The following PRKN variants were observed in gnomAD, a reference collection of about 807,000 sequenced individuals.
The protein encoded by PRKN is E3 ubiquitin-protein ligase parkin.
PRKN carries 56 observed loss-of-function variants against 59.5 expected under a neutral mutation model. That is an observed-to-expected ratio of 0.94 (90% CI 0.76 to 1.18). PRKN has a LOEUF of 1.18. Ranked by LOEUF, PRKN falls within the 50% of genes most tolerant of loss-of-function variation. The pLI is 0.00. For missense variants in PRKN, 657 were observed against 596.4 expected (o/e 1.10, Z -1.06); for synonymous variants, 250 against 222.1 (o/e 1.13, Z -1.12).
chr6:161,563,529 AC>A (rs1451196089), intron 8 of PRKN, among the ~76,000 whole-genome samples: 6 of 152,198 alleles, frequency 3.9e-5, no homozygotes, highest in African/African-American at 1.4e-4. Flanking sequence ...AAGAATTTGG[AC>A]TAGGGGGAAG....
At chr6:162,409,886 G>A (rs1270010099) in intron 2 of PRKN, among the ~76,000 whole-genome samples, 2 of 152,180 alleles carry the variant, frequency 1.3e-5, no homozygotes, top group Non-Finnish European at 2.9e-5. Flanking sequence ...GGGAGCAGCG[G>A]AATCAGTGTG....
At chr6:161,794,713 T>C (rs1341974928) in intron 6 of PRKN, among the ~76,000 whole-genome samples, 1 of 152,090 alleles carries the variant, frequency 6.6e-6, no homozygotes, top group Non-Finnish European at 1.5e-5. Flanking sequence ...CTCCCATCCC[T>C]ACAGGCAAGA....
chr6:161,415,972 C>T (rs1469462060), intron 9 of PRKN, among the ~76,000 whole-genome samples: 2 of 151,966 alleles, frequency 1.3e-5, no homozygotes, highest in Non-Finnish European at 2.9e-5. Context: ...TGGCTCCCTC[C>T]GGGTCCCGTC....
Position 161,479,824 on chromosome 6 carries a change from G to T in PRKN, c.1083+69030C>A, listed in dbSNP as rs555471591. 8.5e-5 allele frequency among the ~76,000 whole-genome samples: 13 copies of T among 152,314 alleles called. No homozygotes were observed. In the East Asian group the frequency reaches 2.3e-3, roughly 27 times the overall value. ...CCCCCTCCCTGTATTGTGACAGTGTGGGGCTGGTCTCCAACTTCCCTAGCC... is the reference window on the plus strand; with the variant it reads ...CCCCCTCCCTGTATTGTGACAGTGTTGGGCTGGTCTCCAACTTCCCTAGCC... On this transcript the variant is annotated intron_variant, in intron 9 of 11. Coordinates refer to ENST00000366898, the MANE Select transcript of PRKN (RefSeq NM_004562.3).
intron 1 of PRKN, among the ~76,000 whole-genome samples, chr6:162,490,859 T>C (rs1333591614): frequency 6.6e-6 from 1 of 152,120 alleles, no homozygotes; most frequent in African/African-American, 2.4e-5. Context: ...AGGGGCCAGG[T>C]GCAGTGGCTC....
chr6:161,967,942 G>A (rs1273500752), intron 6 of PRKN, among the ~76,000 whole-genome samples: 3 of 152,144 alleles, frequency 2.0e-5, no homozygotes, highest in South Asian at 2.1e-4. Flanking sequence ...CTCAGGGAGG[G>A]TGAAGGACTG....
At chr6:162,239,042 G>A (rs573445378) in intron 3 of PRKN, among the ~76,000 whole-genome samples, 15 of 152,202 alleles carry the variant, frequency 9.9e-5, no homozygotes, top group Admixed American at 7.9e-4. Context: ...CAGAGAAAAC[G>A]CTAGCATACT....
intron 2 of PRKN, among the ~76,000 whole-genome samples, chr6:162,410,697 C>G (rs1788312759): frequency 1.3e-5 from 2 of 152,170 alleles, no homozygotes; most frequent in African/African-American, 2.4e-5. Flanking sequence ...TTTTGTGATT[C>G]CACTTCAAAA....
chr6:162,363,959 G>A (rs1785286418), intron 2 of PRKN, among the ~76,000 whole-genome samples: 1 of 152,192 alleles, frequency 6.6e-6, no homozygotes, highest in Admixed American at 6.5e-5. Flanking sequence ...TTCACCGGCT[G>A]TGATGCAAAT....
chr6:161,656,928 C>A (rs762152470), intron 7 of PRKN, among the ~76,000 whole-genome samples: 1 of 152,154 alleles, frequency 6.6e-6, no homozygotes, highest in Non-Finnish European at 1.5e-5. Context: ...CGAATGTCAA[C>A]GAAGACGGGG....
intron 1 of PRKN, among the ~76,000 whole-genome samples, chr6:162,465,354 G>A (rs1029108064): frequency 4.6e-5 from 7 of 152,106 alleles, no homozygotes; most frequent in Admixed American, 2.0e-4. Context: ...GCCACCTACA[G>A]AATAAACTTT....
chr6:162,085,733 G>C (rs139545430), intron 4 of PRKN, among the ~76,000 whole-genome samples: 1,797 of 152,124 alleles, frequency 0.012, 47 homozygotes, highest in African/African-American at 0.041. Flanking sequence ...AATCAGGTGG[G>C]TGGTTGGCTC....
At chr6:162,083,288 G>T (rs528848195) in intron 4 of PRKN, among the ~76,000 whole-genome samples, 10 of 152,184 alleles carry the variant, frequency 6.6e-5, no homozygotes, top group Non-Finnish European at 2.9e-5. Context: ...ATAATGCAAA[G>T]GTTTAAAACA....
At chr6:162,629,041 A>G (rs1200281520) in intron 1 of PRKN, among the ~76,000 whole-genome samples, 1 of 152,146 alleles carries the variant, frequency 6.6e-6, no homozygotes, top group East Asian at 1.9e-4. Flanking sequence ...ATTAATCTGG[A>G]TAATGATCCA....
At chr6:161,874,249 T>TATATAATATATA (rs1794530727) in intron 6 of PRKN, among the ~76,000 whole-genome samples, 1 of 14,636 alleles carries the variant, frequency 6.8e-5, no homozygotes, top group African/African-American at 1.7e-4. Context: ...TAATATATAA[T>TATATAATATATA]ATATATTATA....
chr6:162,069,509 G>T (rs140896045), intron 4 of PRKN, among the ~76,000 whole-genome samples: 4 of 152,256 alleles, frequency 2.6e-5, no homozygotes, highest in African/African-American at 7.2e-5. Context: ...AACTTTACAA[G>T]ATTAGAATAT....
chr6:162,645,388 C>T (rs1187949127), intron 1 of PRKN, among the ~76,000 whole-genome samples: 2 of 152,198 alleles, frequency 1.3e-5, no homozygotes, highest in Non-Finnish European at 2.9e-5. Context: ...AGCAAACAGT[C>T]ACTCAGTTAT....
At chr6:162,706,767 T>C (rs555187038) in intron 1 of PRKN, among the ~76,000 whole-genome samples, 33 of 152,342 alleles carry the variant, frequency 2.2e-4, no homozygotes, top group African/African-American at 7.2e-4. Flanking sequence ...TTTTTATCTA[T>C]TTCATTTTCT....
In PRKN at chr6:162,020,588, AC is replaced by A. The variant is rs367880977; in HGVS notation, c.618+33502del. On this transcript the variant is annotated intron_variant, in intron 5 of 11. Coordinates refer to ENST00000366898, the MANE Select transcript of PRKN (RefSeq NM_004562.3). ...AAGGGACAGATATATATGTAGGTAA[AC>A]AAAAAAGTTCAAGCTTATCAGCATC... Among the ~76,000 whole-genome samples, 37 of 152,258 alleles carry A rather than the reference AC, an allele frequency of 2.4e-4. No homozygotes were observed. In the East Asian group the frequency reaches 6.8e-3, roughly 28 times the overall value.
Sources: gnomAD v4.1 joint callset for allele counts (sites outside exome capture counted in the v4.1 genomes callset) on GRCh38, gnomAD v4.1.1 for gene constraint, MANE v1.5 for transcripts, NCBI Gene and HGNC (gene_info 2026-07-23, HGNC 2026-07-21) for gene names.